Variants in GABRB3 observed in about 807,000 individuals in gnomAD.
GABRB3 encodes gamma-aminobutyric acid receptor subunit beta-3.
In GABRB3, 14 loss-of-function variants were observed where a neutral mutation model predicts 52.1. That is an observed-to-expected ratio of 0.27 (90% CI 0.18 to 0.42). The LOEUF (loss-of-function observed/expected upper bound fraction) is 0.42, where lower values mean the gene tolerates loss of function less well. Among genes scored for constraint, GABRB3 ranks in the 10% least tolerant of loss-of-function variants. The probability of loss-of-function intolerance (pLI) is 1.00; values close to 1 mark genes in which losing one functional copy is unlikely to be tolerated. For missense variants in GABRB3, 307 were observed against 609.1 expected (o/e 0.50, Z 5.22); for synonymous variants, 260 against 232.3 (o/e 1.12, Z -1.08).
intron 3 of GABRB3, among the ~76,000 whole-genome samples, chr15:26,762,963 A>G (rs1405898577): frequency 6.6e-6 from 1 of 152,226 alleles, no homozygotes; most frequent in Non-Finnish European, 1.5e-5. Context: ...CCCTCATACC[A>G]ATGAGTTAAC....
intron 4 of GABRB3, among the ~76,000 whole-genome samples, chr15:26,591,074 A>C (rs1284886862): frequency 6.6e-6 from 1 of 152,166 alleles, no homozygotes; most frequent in Non-Finnish European, 1.5e-5. Flanking sequence ...CTTTTCAGAG[A>C]CTACCCTGGG....
intron 4 of GABRB3, among the ~76,000 whole-genome samples, chr15:26,600,158 G>A (rs1399671403): frequency 2.0e-5 from 3 of 151,750 alleles, no homozygotes; most frequent in Non-Finnish European, 4.4e-5. Context: ...TCAGTAAGCT[G>A]GAAGACAAAA....
At chr15:26,754,788 G>C (rs928651772) in intron 3 of GABRB3, among the ~76,000 whole-genome samples, 1 of 152,214 alleles carries the variant, frequency 6.6e-6, no homozygotes, top group Admixed American at 6.5e-5. Flanking sequence ...TTACCCCAGA[G>C]GTGTGTGCAG....
intron 4 of GABRB3, among the ~76,000 whole-genome samples, chr15:26,594,794 G>C (rs1310095538): frequency 6.6e-6 from 1 of 152,090 alleles, no homozygotes; most frequent in Non-Finnish European, 1.5e-5. Context: ...AAGATTACAC[G>C]CATGAGCCAC....
intron 7 of GABRB3, among the ~76,000 whole-genome samples, chr15:26,565,736 T>C (rs1257330138): frequency 6.6e-6 from 1 of 152,166 alleles, no homozygotes; most frequent in Non-Finnish European, 1.5e-5. Flanking sequence ...ATGCACATTT[T>C]CAGTACACCC....
In GABRB3 at chr15:26,547,708, G is replaced by T; in HGVS notation, c.*85C>A. Reference sequence around the variant, plus strand: ...TGTGTGTGTCTGCTTGTGTGTCTGTGTGTGTACAGGTATAAAAACTTGACA... The same window carrying T: ...TGTGTGTGTCTGCTTGTGTGTCTGTTTGTGTACAGGTATAAAAACTTGACA... On this transcript the variant is annotated 3_prime_UTR_variant, in exon 9 of 9. Coordinates refer to ENST00000311550, the MANE Select transcript of GABRB3 (RefSeq NM_000814.6). The T allele has an allele frequency of 1.0e-6, 1 of 993,962 alleles. No individual in the cohort carries two copies. Among genetic ancestry groups the T allele is most frequent in the Non-Finnish European group, 1.6e-6 (1 of 626,116 alleles). The allele number at this position is 993,962 out of a possible 1,614,324, so 61.6% of individuals were successfully genotyped here.
chr15:26,629,171 G>C, intron 3 of GABRB3: 1 of 1,487,948 alleles, frequency 6.7e-7, no homozygotes, highest in Non-Finnish European at 8.9e-7. Context: ...GGGAGAAGCA[G>C]CTCCCGGGAG....
chr15:26,684,807 C>T (rs920991293), intron 3 of GABRB3, among the ~76,000 whole-genome samples: 5 of 152,040 alleles, frequency 3.3e-5, no homozygotes, highest in African/African-American at 9.7e-5. Context: ...TCATGGTGCC[C>T]CAAAACAACC....
chr15:26,697,953 A>C (rs781076676), intron 3 of GABRB3, among the ~76,000 whole-genome samples: 2 of 152,202 alleles, frequency 1.3e-5, no homozygotes, highest in African/African-American at 2.4e-5. Flanking sequence ...TCTATGAAAT[A>C]ATTTAGAACT....
intron 3 of GABRB3, among the ~76,000 whole-genome samples, chr15:26,700,218 C>A (rs1033832164): frequency 6.6e-6 from 1 of 152,146 alleles, no homozygotes; most frequent in Non-Finnish European, 1.5e-5. Flanking sequence ...TTATGAACAA[C>A]TTTATGCTGA....
chr15:26,741,045 A>AGTGTGTGTGTGTGTGTGT (rs55860555), intron 3 of GABRB3, among the ~76,000 whole-genome samples: 9 of 55,222 alleles, frequency 1.6e-4, no homozygotes, highest in Admixed American at 1.1e-3. Context: ...GGGAGGAATA[A>AGTGTGTGTGTGTGTGTGT]GTGTGTGTGT....
At chr15:26,697,158 A>G (rs1388905656) in intron 3 of GABRB3, among the ~76,000 whole-genome samples, 1 of 152,176 alleles carries the variant, frequency 6.6e-6, no homozygotes, top group Non-Finnish European at 1.5e-5. Flanking sequence ...AATGCATGGA[A>G]AGTGTAATTC....
chr15:26,585,599 G>A (rs1222852780), intron 4 of GABRB3, among the ~76,000 whole-genome samples: 1 of 152,178 alleles, frequency 6.6e-6, no homozygotes, highest in Admixed American at 6.5e-5. Flanking sequence ...AACATATTTA[G>A]CACACAGGTC....
At chr15:26,720,164 AC>A (rs1331284246) in intron 3 of GABRB3, among the ~76,000 whole-genome samples, 1 of 150,100 alleles carries the variant, frequency 6.7e-6, no homozygotes, top group East Asian at 2.0e-4. Flanking sequence ...CCAGAGAACA[AC>A]CCCCCTTTGA....
In GABRB3 at chr15:26,570,450, A is replaced by G. The variant is rs1460834561; in HGVS notation, c.683-2717T>C. On this transcript the variant is annotated intron_variant, in intron 6 of 8. Transcript: ENST00000311550. ...TCTGGGCCTTGCGCGACTTGGGCAC[A>G]TTTGGGAAACATGGAAATGATGCTC... Among the ~76,000 whole-genome samples the G allele has an allele frequency of 3.9e-5, 6 of 152,252 alleles. No individual in the cohort carries two copies. The South Asian group carries it at 1.2e-3, about 32-fold the overall frequency.
intron 3 of GABRB3, among the ~76,000 whole-genome samples, chr15:26,654,464 A>T (rs1887302595): frequency 6.6e-6 from 1 of 151,342 alleles, no homozygotes; most frequent in Non-Finnish European, 1.5e-5. Flanking sequence ...TGCTCTTAAA[A>T]ATGGGTTTGG....
At chr15:26,646,699 T>C (rs868501979) in intron 3 of GABRB3, among the ~76,000 whole-genome samples, 1 of 152,270 alleles carries the variant, frequency 6.6e-6, no homozygotes, top group Middle Eastern at 3.4e-3. Flanking sequence ...CACATTCTCA[T>C]CAACACTTAT....
In GABRB3 at chr15:26,714,016, G is replaced by A. The variant is rs143880563; in HGVS notation, c.240+58386C>T. Among the ~76,000 whole-genome samples the A allele has an allele frequency of 4.8e-3, 737 of 152,286 alleles. 7 individuals carry two copies. The highest frequency in any genetic ancestry group is 0.017 in the African/African-American group (690 of 41,548). On this transcript the variant is annotated intron_variant, in intron 3 of 8. Coordinates refer to ENST00000311550, the MANE Select transcript of GABRB3 (RefSeq NM_000814.6). ...ACCACTCTGGCAGAGACTCTGACCCGGAAGGAAACTCAACACGTGCCAGCA... is the reference window on the plus strand; with the variant it reads ...ACCACTCTGGCAGAGACTCTGACCCAGAAGGAAACTCAACACGTGCCAGCA...
At chr15:26,718,364 C>A (rs1889555213) in intron 3 of GABRB3, among the ~76,000 whole-genome samples, 1 of 152,114 alleles carries the variant, frequency 6.6e-6, no homozygotes, top group Admixed American at 6.5e-5. Flanking sequence ...CATGCGCCAC[C>A]AAGCCCGGCT....
Sources: allele counts gnomAD v4.1 joint callset (sites outside exome capture counted in the v4.1 genomes callset), GRCh38; gene constraint gnomAD v4.1.1; transcripts MANE v1.5; gene names NCBI Gene and HGNC (gene_info 2026-07-23, HGNC 2026-07-21).